Variants in SOBP observed in about 807,000 individuals in gnomAD.
The protein encoded by SOBP is sine oculis-binding protein homolog.
In SOBP, 4 loss-of-function variants were observed where a neutral mutation model predicts 53.6. That is an observed-to-expected ratio of 0.07 (90% CI 0.04 to 0.17). SOBP has a LOEUF of 0.17. Ranked by LOEUF, SOBP falls within the 10% of genes least tolerant of loss-of-function variation. The pLI is 1.00. For synonymous variants in SOBP, 584 were observed against 522.6 expected (o/e 1.12, Z -1.60); for missense variants, 1,088 against 1,204.7 (o/e 0.90, Z 1.43).
intron 5 of SOBP, among the ~76,000 whole-genome samples, chr6:107,631,808 G>A (rs1032938619): frequency 1.3e-5 from 2 of 152,122 alleles, no homozygotes; most frequent in Admixed American, 6.5e-5. Flanking sequence ...TAGTTTGAAC[G>A]GGCAATTTGA....
At chr6:107,572,534 G>T (rs933552573) in intron 4 of SOBP, among the ~76,000 whole-genome samples, 7 of 152,114 alleles carry the variant, frequency 4.6e-5, no homozygotes, top group Non-Finnish European at 7.4e-5. Flanking sequence ...AAACTCCTGA[G>T]CTCAAGCAAT....
intron 5 of SOBP, among the ~76,000 whole-genome samples, chr6:107,623,028 G>C (rs750376419): frequency 3.9e-5 from 6 of 152,218 alleles, no homozygotes; most frequent in Non-Finnish European, 5.9e-5. Context: ...CTAGGGTAGA[G>C]CTACTTGGAA....
At chr6:107,580,968 C>T (rs1471356328) in intron 4 of SOBP, among the ~76,000 whole-genome samples, 1 of 152,180 alleles carries the variant, frequency 6.6e-6, no homozygotes, top group East Asian at 1.9e-4. Flanking sequence ...GAGTGTAAGG[C>T]TGAATATCCA....
chr6:107,642,879 A>G (rs1436179132), intron 6 of SOBP, among the ~76,000 whole-genome samples: 1 of 152,252 alleles, frequency 6.6e-6, no homozygotes, highest in Non-Finnish European at 1.5e-5. Flanking sequence ...ATACAACTAA[A>G]AAGTAGATCT....
chr6:107,628,691 A>G (rs1256486493), intron 5 of SOBP, among the ~76,000 whole-genome samples: 2 of 152,256 alleles, frequency 1.3e-5, no homozygotes, highest in Admixed American at 6.5e-5. Context: ...CTAATAAGGA[A>G]TAAAGCCCAG....
At chr6:107,562,444 G>C (rs1272739598) in intron 4 of SOBP, among the ~76,000 whole-genome samples, 7 of 152,242 alleles carry the variant, frequency 4.6e-5, no homozygotes, top group Admixed American at 4.6e-4. Flanking sequence ...ATGAGGTCTT[G>C]ATGAGACTAT....
intron 1 of SOBP, among the ~76,000 whole-genome samples, chr6:107,500,422 G>A (rs1782807546): frequency 6.6e-6 from 1 of 151,532 alleles, no homozygotes. Flanking sequence ...ATGTTTCTTG[G>A]ATGATAACGT....
At position 107,572,366 on chromosome 6, in the gene SOBP, C is replaced by T. The variant is rs190759194; in HGVS notation, c.574-14714C>T. On this transcript the variant is annotated intron_variant, in intron 4 of 6. Transcript: ENST00000317357. Reference sequence around the variant, plus strand: ...TCGCCCAGGCTGGGGTGCAGTGGTGCGATCTCAGCTCACTGCAGCCTCTGC... The same window carrying T: ...TCGCCCAGGCTGGGGTGCAGTGGTGTGATCTCAGCTCACTGCAGCCTCTGC... Among the ~76,000 whole-genome samples, 25 of 148,810 alleles carry T rather than the reference C, an allele frequency of 1.7e-4. No homozygotes were observed. In the East Asian group the frequency reaches 5.0e-3, roughly 29 times the overall value.
chr6:107,599,111 A>G (rs1181651612), intron 5 of SOBP, among the ~76,000 whole-genome samples: 1 of 152,104 alleles, frequency 6.6e-6, no homozygotes, highest in East Asian at 1.9e-4. Flanking sequence ...CATAGAGACC[A>G]TCTAGTGTGT....
chr6:107,552,807 T>A (rs1000911071), intron 4 of SOBP, among the ~76,000 whole-genome samples: 1 of 152,088 alleles, frequency 6.6e-6, no homozygotes, highest in African/African-American at 2.4e-5. Flanking sequence ...CCTGTAGTTC[T>A]AGTTACTTAG....
chr6:107,549,253 C>A (rs1282001049), intron 4 of SOBP, among the ~76,000 whole-genome samples: 2 of 151,610 alleles, frequency 1.3e-5, no homozygotes, highest in Non-Finnish European at 2.9e-5. Flanking sequence ...GGCAACAGAG[C>A]GAGACTTCAT....
At chr6:107,527,829 G>A (rs988632819) in intron 3 of SOBP, among the ~76,000 whole-genome samples, 1 of 152,192 alleles carries the variant, frequency 6.6e-6, no homozygotes, top group Non-Finnish European at 1.5e-5. Context: ...ATTGTCCTAA[G>A]TGGATCTGCC....
intron 3 of SOBP, among the ~76,000 whole-genome samples, chr6:107,522,347 A>G (rs774451550): frequency 5.9e-5 from 9 of 152,072 alleles, no homozygotes; most frequent in African/African-American, 2.2e-4. Flanking sequence ...TAGATGCAGA[A>G]TGGAGAGAAG....
chr6:107,566,919 C>G (rs1784934678), intron 4 of SOBP, among the ~76,000 whole-genome samples: 1 of 152,216 alleles, frequency 6.6e-6, no homozygotes, highest in Admixed American at 6.5e-5. Context: ...CAGACCAGAT[C>G]ATGTGGTACA....
At chr6:107,596,548 A>G (rs1383940436) in intron 5 of SOBP, among the ~76,000 whole-genome samples, 4 of 152,228 alleles carry the variant, frequency 2.6e-5, no homozygotes, top group Non-Finnish European at 4.4e-5. Context: ...TGGAGCTGAT[A>G]GATGGCTTGT....
chr6:107,593,445 A>G lies in SOBP; in HGVS notation c.669+6270A>G, dbSNP rs554400870. ...ATGCTGGCTTCTCACACAGTCCATC[A>G]CAGTGATTCTTGGAGCCAGAGGGAG... On this transcript the variant is annotated intron_variant, in intron 5 of 6. Coordinates refer to ENST00000317357, the MANE Select transcript of SOBP (RefSeq NM_018013.4). Among the ~76,000 whole-genome samples, 32 of 152,250 alleles carry G rather than the reference A, an allele frequency of 2.1e-4. 1 individual carries two copies. Among genetic ancestry groups the G allele is most frequent in the African/African-American group, 7.2e-4 (30 of 41,544 alleles).
At chr6:107,567,124 G>A (rs1291294334) in intron 4 of SOBP, among the ~76,000 whole-genome samples, 1 of 152,118 alleles carries the variant, frequency 6.6e-6, no homozygotes, top group South Asian at 2.1e-4. Context: ...TGTTTTAGAA[G>A]GACTCACTTT....
intron 5 of SOBP, among the ~76,000 whole-genome samples, chr6:107,608,875 A>G (rs1208297779): frequency 6.6e-6 from 1 of 152,208 alleles, no homozygotes; most frequent in Non-Finnish European, 1.5e-5. Context: ...GGGAGAGGGA[A>G]TCCAGTGAGT....
chr6:107,539,507 T>C (rs1784093255), intron 4 of SOBP, among the ~76,000 whole-genome samples: 1 of 152,220 alleles, frequency 6.6e-6, no homozygotes, highest in South Asian at 2.1e-4. Context: ...TGCTGTTCAC[T>C]TAAATCAAGT....
Sources: gnomAD v4.1 joint callset for allele counts (sites outside exome capture counted in the v4.1 genomes callset) on GRCh38, gnomAD v4.1.1 for gene constraint, MANE v1.5 for transcripts, NCBI Gene and HGNC (gene_info 2026-07-23, HGNC 2026-07-21) for gene names.